The following RIDA variants were observed in gnomAD, a reference collection of about 807,000 sequenced individuals.
RIDA encodes reactive intermediate imine deaminase A.
A neutral mutation model predicts 17.8 loss-of-function variants in RIDA; 17 were observed. That is an observed-to-expected ratio of 0.96 (90% CI 0.65 to 1.43). The LOEUF (loss-of-function observed/expected upper bound fraction) is 1.43. RIDA is among the 40% of genes most tolerant of loss of function. The pLI is 0.00. For missense variants in RIDA, 158 were observed against 161.7 expected, an observed-to-expected ratio of 0.98 and a Z score of 0.12; for synonymous variants, 48 against 55.7, an observed-to-expected ratio of 0.86 and a Z score of 0.62.
chr8:98,115,773 CT>C (rs1434261973), intron 1 of RIDA, among the ~76,000 whole-genome samples: 1 of 152,092 alleles, frequency 6.6e-6, no homozygotes, highest in Non-Finnish European at 1.5e-5. Context: ...TTAATAATAC[CT>C]TTTTTTAATT....
rs200912419 is a variant in RIDA at position 98,117,048 on chromosome 8, C to T, written c.49G>A (p.Ala17Thr). ...CCACGTTACCTGTAGGGTCCAATGG[C>T]CCCTGGGGCTTTCGCGGTGCTGATC... ...RVISTAKAPG[A>T]IGPYSQAVLV... The change falls in exon 1 of 6, where the codon GCC (alanine) becomes ACC (threonine). Residue 17 changes from alanine to threonine, a missense_variant. Physicochemically the swap from Ala to Thr is moderately conservative, Grantham distance 58. Coordinates refer to ENST00000254878, the MANE Select transcript of RIDA (RefSeq NM_005836.3). 2 of 1,613,584 alleles carry T rather than the reference C, an allele frequency of 1.2e-6. No homozygotes were observed. Among genetic ancestry groups the T allele is most frequent in the Admixed American group, 1.7e-5 (1 of 60,030 alleles).
At position 98,109,166 on chromosome 8, in the gene RIDA, C is replaced by CAGTGGTA. The variant is rs1222314338; in HGVS notation, c.66-416_66-415insTACCACT. ...CCATGAGTATACCACTGCGCTCCAG[C>CAGTGGTA]CTCAGTGGCACTGAGTAACAGAGAA... On this transcript the variant is annotated intron_variant, in intron 1 of 5. Coordinates refer to ENST00000254878, the MANE Select transcript of RIDA (RefSeq NM_005836.3). Among the ~76,000 whole-genome samples the CAGTGGTA allele has an allele frequency of 5.3e-5, 8 of 152,172 alleles. No individual in the cohort carries two copies. The East Asian group carries it at 1.5e-3, about 29-fold the overall frequency.
intron 2 of RIDA, 58 bp downstream of exon 2, chr8:98,108,588 C>T (rs1241257831): frequency 1.9e-6 from 2 of 1,038,844 alleles, no homozygotes; most frequent in Non-Finnish European, 1.5e-6. Context: ...ATTCTTAATG[C>T]TCTTCAACAT....
chr8:98,102,546 C>T lies in RIDA; in HGVS notation c.*296G>A, dbSNP rs1815573716. 1 of 229,356 alleles carries T rather than the reference C, an allele frequency of 4.4e-6. No individual in the cohort carries two copies. The highest frequency in any genetic ancestry group is 5.5e-5 in the Admixed American group (1 of 18,126). The allele number at this position is 229,356 out of a possible 1,614,324, so 14.2% of individuals were successfully genotyped here. On this transcript the variant is annotated 3_prime_UTR_variant, in exon 6 of 6. Coordinates refer to ENST00000254878, the MANE Select transcript of RIDA (RefSeq NM_005836.3). The stretch of plus-strand genomic sequence containing the variant: ...TGATTATTTCTCAGGAATAGTAACT[C>T]TTCTTTCCTACCTGGTATTTCTCTT...
At chr8:98,107,258 C>CTCAT (rs1440446148) in intron 2 of RIDA, among the ~76,000 whole-genome samples, 2 of 152,190 alleles carry the variant, frequency 1.3e-5, no homozygotes, top group Admixed American at 1.3e-4. Flanking sequence ...GGTGTGGAGG[C>CTCAT]TCATGCCTGT....
intron 1 of RIDA, chr8:98,113,851 G>A (rs892801238): frequency 6.6e-6 from 1 of 152,088 alleles, no homozygotes; most frequent in African/African-American, 2.4e-5. Context: ...AAAGACATTA[G>A]GGCAGAAGGA....
chr8:98,104,114 C>T (rs1277499539), intron 5 of RIDA, among the ~76,000 whole-genome samples: 1 of 145,398 alleles, frequency 6.9e-6, no homozygotes, highest in Non-Finnish European at 1.5e-5. Flanking sequence ...GACAAGGTCA[C>T]ACTGTTACCC....
chr8:98,116,634 A>G lies in RIDA; in HGVS notation c.65+398T>C, dbSNP rs190619257. Among the ~76,000 whole-genome samples, 456 of 152,084 alleles carry G rather than the reference A, an allele frequency of 3.0e-3. 4 individuals are homozygous for G. The highest frequency in any genetic ancestry group is 0.014 in the Middle Eastern group (4 of 294). ...TGAAGAAAGTGGTGATGGCTGCACA[A>G]CTCTGTGAGTATGGTCAAAACCACT... On this transcript the variant is annotated intron_variant, in intron 1 of 5. Coordinates refer to ENST00000254878, the MANE Select transcript of RIDA (RefSeq NM_005836.3).
intron 1 of RIDA, among the ~76,000 whole-genome samples, chr8:98,115,554 CTTT>C (rs61291894): frequency 2.1e-4 from 31 of 147,266 alleles, no homozygotes; most frequent in South Asian, 8.7e-4. Context: ...TTTAATTAAA[CTTT>C]TTTTTTTTTT....
At chr8:98,109,063 G>A (rs764586442) in intron 1 of RIDA, among the ~76,000 whole-genome samples, 2 of 151,914 alleles carry the variant, frequency 1.3e-5, no homozygotes, top group Admixed American at 6.6e-5. Context: ...GTATGGTGAC[G>A]CACACCCGTA....
chr8:98,113,511 A>C (rs987089239), intron 1 of RIDA: 7 of 152,236 alleles, frequency 4.6e-5, no homozygotes, highest in African/African-American at 1.7e-4. Flanking sequence ...AAGAGGCACA[A>C]TGTCCTGGAA....
At chr8:98,104,337 T>A in intron 5 of RIDA, 152 bp downstream of exon 5, 1 of 692,588 alleles carries the variant, frequency 1.4e-6, no homozygotes. Flanking sequence ...TCCTCCTGTG[T>A]TGGCCTCTCA....
intron 5 of RIDA, 75 bp downstream of exon 5, chr8:98,104,414 G>T: frequency 1.0e-6 from 1 of 957,476 alleles, no homozygotes; most frequent in Non-Finnish European, 1.7e-6. Flanking sequence ...CTTTCACAGT[G>T]CTTAGTTTAC....
chr8:98,115,591 A>T (rs1349506790), intron 1 of RIDA, among the ~76,000 whole-genome samples: 7 of 150,518 alleles, frequency 4.7e-5, no homozygotes, highest in Non-Finnish European at 1.0e-4. Flanking sequence ...GGGTCTCACT[A>T]TGTTGCCCAG....
At chr8:98,105,867 C>T (rs1815625248) in intron 4 of RIDA, 71 bp downstream of exon 4, 1 of 884,572 alleles carries the variant, frequency 1.1e-6, no homozygotes, top group African/African-American at 1.6e-5. Context: ...ATTCATAATG[C>T]ACATTCATTA....
chr8:98,113,162 G>A (rs1815752398), intron 1 of RIDA, among the ~76,000 whole-genome samples: 1 of 152,104 alleles, frequency 6.6e-6, no homozygotes, highest in South Asian at 2.1e-4. Flanking sequence ...TTATGAGGAC[G>A]GTGTGCAAAA....
At chr8:98,104,824 C>T (rs1815610702) in intron 4 of RIDA, among the ~76,000 whole-genome samples, 1 of 152,072 alleles carries the variant, frequency 6.6e-6, no homozygotes, top group Non-Finnish European at 1.5e-5. Context: ...GATTCTCCTG[C>T]CTCAGCCTCC....
Position 98,106,259 on chromosome 8 carries a change from T to C in RIDA, c.226+13A>G. 1 of 1,610,930 alleles carries C rather than the reference T, an allele frequency of 6.2e-7. No homozygotes were observed. The highest frequency in any genetic ancestry group is 8.5e-7 in the Non-Finnish European group (1 of 1,177,672). ...TATCAAAAAGAAATGTGAAATAATA[T>C]CAAATTGCTCACCGTTAGTGAAGTC... is the stretch of plus-strand genomic sequence containing the variant. On this transcript the variant is annotated intron_variant, in intron 3 of 5. Coordinates refer to ENST00000254878, the MANE Select transcript of RIDA (RefSeq NM_005836.3).
rs537137254 is a variant in RIDA at position 98,106,348 on chromosome 8, G to A, written c.172-22C>T. On this transcript the variant is annotated intron_variant, in intron 2 of 5. Transcript: ENST00000254878. The stretch of plus-strand genomic sequence containing the variant: ...GAGCCTGTGAACCAAGCCAAGAAAG[G>A]CCTAAGTCACTGATGTTAGATTTAA... 1.9e-6 allele frequency: 3 copies of A among 1,602,700 alleles called. No homozygotes were observed. In the South Asian group the frequency reaches 3.3e-5, roughly 18 times the overall value.
Sources: allele counts gnomAD v4.1 joint callset (sites outside exome capture counted in the v4.1 genomes callset), GRCh38; gene constraint gnomAD v4.1.1; transcripts MANE v1.5; gene names NCBI Gene and HGNC (gene_info 2026-07-23, HGNC 2026-07-21).